AGBL1: variants seen among roughly 807,000 people sequenced by gnomAD.
AGBL1 encodes the protein cytosolic carboxypeptidase 4.
AGBL1 carries 130 observed loss-of-function variants against 118.9 expected under a neutral mutation model. The observed-to-expected ratio is 1.09, with a 90% CI of 0.95 to 1.26. The LOEUF is 1.26. Ranked by LOEUF, AGBL1 falls within the 50% of genes most tolerant of loss-of-function variation. AGBL1 has a pLI of 0.00. For synonymous variants in AGBL1, 555 were observed against 478.9 expected (o/e 1.16, Z -2.08); for missense variants, 1,584 against 1,298.1 (o/e 1.22, Z -3.38).
intron 18 of AGBL1, among the ~76,000 whole-genome samples, chr15:86,507,912 C>G (rs1482856497): frequency 1.3e-5 from 2 of 151,766 alleles, no homozygotes; most frequent in Non-Finnish European, 2.9e-5. Flanking sequence ...TTGACCTGAG[C>G]AACTGGTGAT....
intron 1 of AGBL1, among the ~76,000 whole-genome samples, chr15:86,095,628 G>A (rs1896317792): frequency 7.3e-6 from 1 of 137,418 alleles, no homozygotes; most frequent in Non-Finnish European, 1.5e-5. Flanking sequence ...ATATCATAAT[G>A]TCACATGACC....
downstream of AGBL1, among the ~76,000 whole-genome samples, chr15:86,917,146 C>T (rs2080434490): frequency 6.6e-6 from 1 of 152,092 alleles, no homozygotes; most frequent in Admixed American, 6.5e-5. The surrounding 1 kb of genome is among the most constrained non-coding windows in gnomAD (Gnocchi z 4.8). Context: ...AGTTTGATGC[C>T]ACCCTGGGAG....
chr15:86,431,094 G>C (rs547243641), intron 18 of AGBL1, among the ~76,000 whole-genome samples: 1 of 152,248 alleles, frequency 6.6e-6, no homozygotes, highest in African/African-American at 2.4e-5. Flanking sequence ...TAATGGACCT[G>C]TTTGCTTGTT....
intron 22 of AGBL1, among the ~76,000 whole-genome samples, chr15:86,833,478 C>T (rs2079133771): frequency 6.6e-6 from 1 of 152,090 alleles, no homozygotes; most frequent in South Asian, 2.1e-4. Context: ...GCTTCTTCCT[C>T]ACTCTTCTCT....
chr15:86,999,034 T>C, intron 24 of AGBL1, among the ~76,000 whole-genome samples: 1 of 150,874 alleles, frequency 6.6e-6, no homozygotes, highest in South Asian at 2.1e-4. Context: ...GGCCCTGGTG[T>C]GTGATGTTCC....
rs2079044656 is a variant in AGBL1, at chr15:86,264,646, T to A, written c.1475T>A (p.Val492Asp). 1 of 1,613,792 alleles carries A rather than the reference T, an allele frequency of 6.2e-7. No individual in the cohort carries two copies. The highest frequency in any genetic ancestry group is 8.5e-7 in the Non-Finnish European group (1 of 1,179,870). ...FSNSTRTREV[V>D]KVIDKLLQTH... ...AATTCCACTAGGACTAGAGAAGTTG[T>A]CAAAGTAATAGATAAGCTTCTGCAG... is the stretch of plus-strand genomic sequence containing the variant. Residue 492 changes from valine (V) to aspartate (D), a missense_variant, in exon 11 of 23, where the codon GTC becomes GAC. Coordinates refer to ENST00000614907, the MANE Select transcript of AGBL1 (RefSeq NM_001386094.1).
intron 17 of AGBL1, among the ~76,000 whole-genome samples, chr15:86,304,702 C>T (rs1364965447): frequency 6.6e-6 from 1 of 152,152 alleles, no homozygotes; most frequent in Non-Finnish European, 1.5e-5. Context: ...CCAAGGGTAG[C>T]CACAAATGTG....
At chr15:86,571,687 C>G (rs1016104543) in intron 21 of AGBL1, among the ~76,000 whole-genome samples, 2 of 152,146 alleles carry the variant, frequency 1.3e-5, no homozygotes, top group Admixed American at 1.3e-4. Flanking sequence ...CTGCTCAAGT[C>G]AAGGGATGGG....
At chr15:86,333,213 C>A (rs2080303172) in intron 17 of AGBL1, among the ~76,000 whole-genome samples, 1 of 152,044 alleles carries the variant, frequency 6.6e-6, no homozygotes, top group African/African-American at 2.4e-5. Flanking sequence ...AATTGAGACT[C>A]CAAAATCCAT....
chr15:86,572,707 C>T (rs757103186), intron 21 of AGBL1, among the ~76,000 whole-genome samples: 17 of 152,190 alleles, frequency 1.1e-4, no homozygotes, highest in Non-Finnish European at 1.8e-4. Flanking sequence ...GTCCGACCAT[C>T]GCCACAGCTG....
intron 17 of AGBL1, among the ~76,000 whole-genome samples, chr15:86,352,775 C>A (rs1208716057): frequency 6.6e-6 from 1 of 152,138 alleles, no homozygotes; most frequent in Non-Finnish European, 1.5e-5. Context: ...CTTGAGCCAC[C>A]ATGCCCAGCC....
At chr15:86,083,830 T>A (rs907910003) in intron 1 of AGBL1, 2 of 152,252 alleles carry the variant, frequency 1.3e-5, no homozygotes, top group Non-Finnish European at 2.9e-5. Context: ...TAGAACTCTC[T>A]GTAGAGGACA....
chr15:86,288,064 G>C (rs901454241), intron 16 of AGBL1, among the ~76,000 whole-genome samples: 2 of 152,044 alleles, frequency 1.3e-5, no homozygotes, highest in African/African-American at 4.8e-5. Flanking sequence ...TACACACTAC[G>C]GGATATATTT....
At chr15:86,089,377 T>C (rs187808369) in intron 1 of AGBL1, among the ~76,000 whole-genome samples, 2 of 152,280 alleles carry the variant, frequency 1.3e-5, no homozygotes, top group Non-Finnish European at 2.9e-5. Flanking sequence ...TGAATTCTGG[T>C]CCTTACTTGA....
At chr15:86,080,899 G>A (rs1396229624) in intron 1 of AGBL1, among the ~76,000 whole-genome samples, 1 of 150,730 alleles carries the variant, frequency 6.6e-6, no homozygotes. Flanking sequence ...TAAGCTGGAA[G>A]TTCCTGGAAG....
intron 5 of AGBL1, among the ~76,000 whole-genome samples, chr15:86,206,794 T>C (rs1401001826): frequency 6.6e-6 from 1 of 152,232 alleles, no homozygotes; most frequent in African/African-American, 2.4e-5. Flanking sequence ...TCTTTTGCTG[T>C]GCAGAAGCTC....
intron 5 of AGBL1, among the ~76,000 whole-genome samples, chr15:86,175,003 G>C (rs969104381): frequency 1.3e-5 from 2 of 152,014 alleles, no homozygotes; most frequent in African/African-American, 4.8e-5. Flanking sequence ...CAGTATTAGG[G>C]TAATGCTGGT....
At chr15:86,393,541 G>A (rs577574877) in intron 17 of AGBL1, among the ~76,000 whole-genome samples, 3 of 152,224 alleles carry the variant, frequency 2.0e-5, no homozygotes, top group South Asian at 2.1e-4. Context: ...TCTTTATTTC[G>A]AAACAAGCTT....
rs184136957 is a variant in AGBL1, at chr15:86,401,367, C to A, written c.2555+3821C>A. Among the ~76,000 whole-genome samples, 732 of 152,172 alleles carry A rather than the reference C, an allele frequency of 4.8e-3. 4 individuals are homozygous for A. The highest frequency in any genetic ancestry group is 0.017 in the African/African-American group (698 of 41,524). On this transcript the variant is annotated intron_variant, in intron 18 of 22. Coordinates refer to ENST00000614907, the MANE Select transcript of AGBL1 (RefSeq NM_001386094.1). Reference sequence around the variant, plus strand: ...TTAGATATTAGTCCTTCGTTGCATGCATAGTTTGCAAAGATTTTTCTCCCA... The same window carrying A: ...TTAGATATTAGTCCTTCGTTGCATGAATAGTTTGCAAAGATTTTTCTCCCA...
Sources: allele counts gnomAD v4.1 joint callset (sites outside exome capture counted in the v4.1 genomes callset), GRCh38; gene constraint gnomAD v4.1.1; non-coding constraint Gnocchi (gnomAD v3.1); transcripts MANE v1.5; gene names NCBI Gene and HGNC (gene_info 2026-07-23, HGNC 2026-07-21).